Variants in FGF13 observed in about 807,000 individuals in gnomAD.
FGF13 encodes the protein fibroblast growth factor 13.
FGF13 carries 2 observed loss-of-function variants against 19.5 expected under a neutral mutation model. That is an observed-to-expected ratio of 0.10 (90% CI 0.04 to 0.32). FGF13 has a LOEUF of 0.32. FGF13 is among the 10% of genes least tolerant of loss of function. The pLI is 1.00. For missense variants in FGF13, 113 were observed against 192.7 expected (o/e 0.59, Z 2.45); for synonymous variants, 72 against 76.9 (o/e 0.94, Z 0.33).
chrX:139,075,488 T>A (rs750371991), intron 1 of FGF13, among the ~76,000 whole-genome samples: 19 of 112,260 alleles, frequency 1.7e-4, no homozygotes, highest in African/African-American at 6.1e-4. Context: ...TGTCTCCATA[T>A]ATCCCTCTCA....
intron 3 of FGF13, among the ~76,000 whole-genome samples, chrX:138,786,711 T>C (rs2124367142): frequency 8.9e-6 from 1 of 111,834 alleles, no homozygotes; most frequent in South Asian, 3.8e-4. Flanking sequence ...ACAGAAACTT[T>C]TTGGCCTCTC....
chrX:138,694,301 A>G (rs1396164288), intron 3 of FGF13, among the ~76,000 whole-genome samples: 1 of 111,567 alleles, frequency 9.0e-6, no homozygotes, highest in Non-Finnish European at 1.9e-5. Context: ...ATTTTATTGC[A>G]CCTAAACAAT....
chrX:138,993,641 G>A (rs2092028401), intron 1 of FGF13, among the ~76,000 whole-genome samples: 1 of 111,519 alleles, frequency 9.0e-6, no homozygotes, highest in African/African-American at 3.3e-5. Flanking sequence ...TTGGCATAGT[G>A]ATCATCAAAA....
intron 1 of FGF13, among the ~76,000 whole-genome samples, chrX:138,898,923 G>A (rs1313907958): frequency 9.0e-6 from 1 of 111,264 alleles, no homozygotes; most frequent in Non-Finnish European, 1.9e-5. Context: ...GGCTCAGAAG[G>A]AGGTTGTCAC....
intron 1 of FGF13, among the ~76,000 whole-genome samples, chrX:138,918,724 T>C (rs1247651885): frequency 9.0e-6 from 1 of 110,986 alleles, no homozygotes; most frequent in Non-Finnish European, 1.9e-5. Context: ...ATAAGGAGGG[T>C]AGCACAAGAT....
chrX:138,981,329 AC>A (rs2091962858), intron 1 of FGF13, among the ~76,000 whole-genome samples: 4 of 15,363 alleles, frequency 2.6e-4, no homozygotes, highest in Non-Finnish European at 1.6e-3. Context: ...ACACACACAC[AC>A]ACACACACAC....
At chrX:138,993,996 G>C (rs1351247061) in intron 1 of FGF13, among the ~76,000 whole-genome samples, 1 of 111,410 alleles carries the variant, frequency 9.0e-6, no homozygotes, top group Non-Finnish European at 1.9e-5. Context: ...CTGGTCATTA[G>C]AGATATATAT....
At chrX:138,895,960 T>C (rs748923462) in intron 1 of FGF13, among the ~76,000 whole-genome samples, 37 of 111,930 alleles carry the variant, frequency 3.3e-4, no homozygotes, top group Non-Finnish European at 4.7e-4. Flanking sequence ...GTTGAACTCA[T>C]AGAAATAGAG....
intron 1 of FGF13, among the ~76,000 whole-genome samples, chrX:139,003,263 G>A (rs907958987): frequency 3.6e-5 from 4 of 109,648 alleles, no homozygotes; most frequent in African/African-American, 1.0e-4. Context: ...TTAAGGCAGC[G>A]CGTCTGGAGT....
At chrX:139,000,736 T>A (rs1042700467) in intron 1 of FGF13, among the ~76,000 whole-genome samples, 3 of 112,023 alleles carry the variant, frequency 2.7e-5, no homozygotes, top group African/African-American at 9.7e-5. Flanking sequence ...GAAGAATCAA[T>A]ATTGTAAAAA....
chrX:139,171,387 CTGAAAAAACTTG>C (rs901004652), intron 1 of FGF13, among the ~76,000 whole-genome samples: 16 of 111,885 alleles, frequency 1.4e-4, no homozygotes, highest in Middle Eastern at 9.3e-3. Flanking sequence ...CCCAAAAATG[CTGAAAAAACTTG>C]TGAAAGAAAC....
chrX:138,759,151 T>A (rs1393553057), intron 3 of FGF13, among the ~76,000 whole-genome samples: 1 of 112,288 alleles, frequency 8.9e-6, no homozygotes, highest in Non-Finnish European at 1.9e-5. Context: ...AAAAGCAGAT[T>A]TCTGGGTAAT....
intron 1 of FGF13, among the ~76,000 whole-genome samples, chrX:138,728,676 G>T (rs1479286865): frequency 2.7e-5 from 3 of 110,702 alleles, no homozygotes; most frequent in Non-Finnish European, 5.7e-5. Flanking sequence ...AGTCCTAGGT[G>T]CATAGTACAG....
chrX:138,985,131 G>A, intron 1 of FGF13: 1 of 343,763 alleles, frequency 2.9e-6, no homozygotes, highest in Middle Eastern at 4.4e-4. Context: ...TCCTCCATTA[G>A]GCCTATGTGG....
At position 138,665,543 on chromosome X, in the gene FGF13, T is replaced by G. The variant is rs1216075245; in HGVS notation, c.403-29888A>C. ...ATCTTTCTGGCTGGGCCTTTGGAAA[T>G]ATATCAAAAGCGTCTAGCGTACTTT... On this transcript the variant is annotated intron_variant, in intron 3 of 4. Coordinates refer to ENST00000315930, the MANE Select transcript of FGF13 (RefSeq NM_004114.5). 1.3e-4 allele frequency among the ~76,000 whole-genome samples: 14 copies of G among 111,562 alleles called. No individual in the cohort carries two copies. In the Admixed American group the frequency reaches 1.3e-3, roughly 11 times the overall value.
chrX:139,201,774 T>C (rs768435992), intron 1 of FGF13, among the ~76,000 whole-genome samples: 33 of 112,420 alleles, frequency 2.9e-4, no homozygotes, highest in African/African-American at 1.0e-3. Context: ...ATAAGACTTT[T>C]CATATACTTG....
intron 1 of FGF13, among the ~76,000 whole-genome samples, chrX:139,177,072 T>A (rs1454477766): frequency 2.7e-5 from 3 of 110,724 alleles, no homozygotes; most frequent in Non-Finnish European, 5.7e-5. Flanking sequence ...TCTAAGAATT[T>A]TCTTTATGAA....
intron 1 of FGF13, among the ~76,000 whole-genome samples, chrX:139,102,838 G>A (rs942666675): frequency 2.7e-5 from 3 of 112,643 alleles, no homozygotes; most frequent in Non-Finnish European, 5.6e-5. Flanking sequence ...AGGCTCCATG[G>A]ACAAGCAGGG....
chrX:139,055,555 TG>T (rs1444066501), intron 1 of FGF13, among the ~76,000 whole-genome samples: 6 of 112,628 alleles, frequency 5.3e-5, no homozygotes, highest in African/African-American at 1.9e-4. Context: ...GAGATGTCTA[TG>T]GTGTTAGCTA....
Sources: allele counts gnomAD v4.1 joint callset (sites outside exome capture counted in the v4.1 genomes callset), GRCh38; gene constraint gnomAD v4.1.1; transcripts MANE v1.5; gene names NCBI Gene and HGNC (gene_info 2026-07-23, HGNC 2026-07-21).